Variants in ATRN observed in about 807,000 individuals in gnomAD.
ATRN encodes the protein attractin.
ATRN carries 54 observed loss-of-function variants against 178.7 expected under a neutral mutation model. That is an observed-to-expected ratio of 0.30 (90% CI 0.24 to 0.38). The LOEUF is 0.38. ATRN is among the 10% of genes least tolerant of loss of function. ATRN has a pLI of 1.00. For synonymous variants in ATRN, 636 were observed against 663.0 expected (o/e 0.96, Z 0.63); for missense variants, 1,443 against 1,815.1 (o/e 0.79, Z 3.73).
At chr20:3,538,728 A>G (rs79234455) in intron 2 of ATRN, among the ~76,000 whole-genome samples, 1 of 152,038 alleles carries the variant, frequency 6.6e-6, no homozygotes, top group Non-Finnish European at 1.5e-5. Flanking sequence ...CTCCATCTCT[A>G]CAGCTGGGAG....
At chr20:3,543,413 G>A (rs2085652672) in intron 3 of ATRN, among the ~76,000 whole-genome samples, 1 of 152,108 alleles carries the variant, frequency 6.6e-6, no homozygotes, top group Non-Finnish European at 1.5e-5. Context: ...AGTTCCTAGA[G>A]TTCTGTCTTC....
At chr20:3,473,838 T>A (rs2084470855) in intron 1 of ATRN, among the ~76,000 whole-genome samples, 1 of 152,150 alleles carries the variant, frequency 6.6e-6, no homozygotes, top group Non-Finnish European at 1.5e-5. Context: ...TGGGATCTGT[T>A]GGCATGGGTC....
intron 22 of ATRN, among the ~76,000 whole-genome samples, chr20:3,598,345 G>A (rs776453220): frequency 2.6e-5 from 4 of 152,170 alleles, no homozygotes; most frequent in Non-Finnish European, 4.4e-5. Context: ...AGTGACCAGA[G>A]GCTTAAAGAC....
chr20:3,537,558 A>G (rs73608172), intron 2 of ATRN, among the ~76,000 whole-genome samples: 26 of 151,026 alleles, frequency 1.7e-4, no homozygotes, highest in African/African-American at 6.3e-4. Context: ...CATGTGCACA[A>G]CGTGCAGGTT....
rs756942502 is a variant in ATRN, at chr20:3,646,865, CT to C, written c.*19del. 1 of 1,612,458 alleles carries C rather than the reference CT, an allele frequency of 6.2e-7. No homozygotes were observed. Among genetic ancestry groups the C allele is most frequent in the Admixed American group, 1.7e-5 (1 of 59,860 alleles). ...GCATCTGATGCTGGGGCCAGGGACTCTCCCACGCACGAGCTAGTGAGTGGCA... is the reference window on the plus strand; with the variant it reads ...GCATCTGATGCTGGGGCCAGGGACTCCCCACGCACGAGCTAGTGAGTGGCA... On this transcript the variant is annotated 3_prime_UTR_variant, in exon 29 of 29. Transcript: ENST00000262919.
In ATRN at chr20:3,582,494, A is replaced by T. The variant is rs1194121868; in HGVS notation, c.2764+140A>T. On this transcript the variant is annotated intron_variant, in intron 16 of 28. Transcript: ENST00000262919. ...TTTCAAGCATGCAAAGAAGAGTATAACCCAGATTTCAGAAGCAGAAGGAAA... is the reference window on the plus strand; with the variant it reads ...TTTCAAGCATGCAAAGAAGAGTATATCCCAGATTTCAGAAGCAGAAGGAAA... 12 of 778,818 alleles carry T rather than the reference A, an allele frequency of 1.5e-5. No homozygotes were observed. The Admixed American group carries it at 3.2e-4, about 21-fold the overall frequency. The allele number at this position is 778,818 out of a possible 1,614,324, so 48.2% of individuals were successfully genotyped here. A position where few individuals can be genotyped will look rare whatever the true frequency, so the allele number is the denominator to read the frequency against.
chr20:3,504,430 CTT>C lies in ATRN; in HGVS notation c.411-30821_411-30820del, dbSNP rs1372590139. Among the ~76,000 whole-genome samples, 6 of 150,774 alleles carry C rather than the reference CTT, an allele frequency of 4.0e-5. No homozygotes were observed. In the East Asian group the frequency reaches 1.2e-3, roughly 29 times the overall value. On this transcript the variant is annotated intron_variant, in intron 1 of 28. Coordinates refer to ENST00000262919, the MANE Select transcript of ATRN (RefSeq NM_139321.3). Reference sequence around the variant, plus strand: ...AGTGCCAACGCCTGTAATCCCAACACTTTAGGAGGCCGAGGTGGGTGGATCAC... The same window carrying C: ...AGTGCCAACGCCTGTAATCCCAACACTAGGAGGCCGAGGTGGGTGGATCAC...
rs182727440 is a variant in ATRN, at chr20:3,583,221, C to T, written c.2765-677C>T. On this transcript the variant is annotated intron_variant, in intron 16 of 28. Transcript: ENST00000262919. ...ATCCTTTGTTGAACTTAATGAATGC[C>T]GTAGACCTTCTTCCCTCCAAAATTG... 8.5e-5 allele frequency among the ~76,000 whole-genome samples: 13 copies of T among 152,278 alleles called. No homozygotes were observed. In the East Asian group the frequency reaches 1.4e-3, roughly 16 times the overall value.
chr20:3,582,479 G>A, intron 16 of ATRN, 125 bp downstream of exon 16: 1 of 868,218 alleles, frequency 1.2e-6, no homozygotes, highest in South Asian at 1.6e-5. Flanking sequence ...TTTCAAGCAT[G>A]CAAAGAAGAG....
At chr20:3,497,365 A>G (rs1353059195) in intron 1 of ATRN, among the ~76,000 whole-genome samples, 1 of 152,008 alleles carries the variant, frequency 6.6e-6, no homozygotes, top group African/African-American at 2.4e-5. Context: ...TGGTGGTGAC[A>G]GAATCTCTCA....
intron 24 of ATRN, among the ~76,000 whole-genome samples, chr20:3,613,445 A>G (rs1348444904): frequency 6.6e-6 from 1 of 152,148 alleles, no homozygotes; most frequent in African/African-American, 2.4e-5. Flanking sequence ...GTTCTCAACA[A>G]GGGCTGCATG....
intron 25 of ATRN, chr20:3,629,224 A>G: frequency 1.0e-6 from 1 of 985,406 alleles, no homozygotes; most frequent in Non-Finnish European, 1.2e-6. Context: ...AGTCCAGAGA[A>G]GACCTTTAAA....
intron 1 of ATRN, among the ~76,000 whole-genome samples, chr20:3,529,326 A>G (rs548796648): frequency 2.2e-4 from 33 of 152,216 alleles, no homozygotes; most frequent in Non-Finnish European, 3.2e-4. Context: ...CTATACTTTA[A>G]TCCAGTGATT....
chr20:3,577,360 T>C (rs1404448672), intron 14 of ATRN, among the ~76,000 whole-genome samples: 2 of 152,174 alleles, frequency 1.3e-5, no homozygotes, highest in Non-Finnish European at 2.9e-5. Flanking sequence ...GTACTTCTTA[T>C]TAACCACTGG....
chr20:3,513,816 G>T (rs962335627), intron 1 of ATRN, among the ~76,000 whole-genome samples: 2 of 152,146 alleles, frequency 1.3e-5, no homozygotes, highest in African/African-American at 4.8e-5. Flanking sequence ...CACGTCCCTT[G>T]TAAGTTGGAT....
Position 3,584,895 on chromosome 20 carries a change from A to G in ATRN, c.3184+15A>G, listed in dbSNP as rs760519304. The G allele has an allele frequency of 6.2e-7, 1 of 1,609,002 alleles. No homozygotes were observed. The highest frequency in any genetic ancestry group is 1.7e-5 in the Admixed American group (1 of 59,988). On this transcript the variant is annotated intron_variant, in intron 18 of 28. Coordinates refer to ENST00000262919, the MANE Select transcript of ATRN (RefSeq NM_139321.3). ...TCACTGTCCAGGTAAGATGCCTTGC[A>G]TATCCAAATTCAAGTGTTTCACTAC...
chr20:3,493,042 ATAAT>A (rs1241445756), intron 1 of ATRN, among the ~76,000 whole-genome samples: 4 of 146,782 alleles, frequency 2.7e-5, no homozygotes, highest in African/African-American at 9.9e-5. Context: ...TATAAAATAT[ATAAT>A]TATATATGTA....
At chr20:3,490,060 G>T in intron 1 of ATRN, 1 of 1,185,334 alleles carries the variant, frequency 8.4e-7, no homozygotes, top group Non-Finnish European at 1.3e-6. Flanking sequence ...TTCTAGAAAA[G>T]CAATGTCTTT....
At chr20:3,556,930 G>C (rs1300464735) in intron 6 of ATRN, among the ~76,000 whole-genome samples, 3 of 152,158 alleles carry the variant, frequency 2.0e-5, no homozygotes, top group Non-Finnish European at 4.4e-5. Context: ...TGACAGAAGA[G>C]GAGCAAAATA....
Sources: allele counts gnomAD v4.1 joint callset (sites outside exome capture counted in the v4.1 genomes callset), GRCh38; gene constraint gnomAD v4.1.1; transcripts MANE v1.5; gene names NCBI Gene and HGNC (gene_info 2026-07-23, HGNC 2026-07-21).